The following SPOCK1 variants were observed in gnomAD, a reference collection of about 807,000 sequenced individuals.
SPOCK1 encodes the protein testican-1.
In SPOCK1, 23 loss-of-function variants were observed where a neutral mutation model predicts 55.3. The ratio of observed to expected loss-of-function variants is 0.42; its 90% confidence interval spans 0.30 to 0.59. SPOCK1 has a LOEUF of 0.59. Ranked by LOEUF, SPOCK1 falls within the 20% of genes least tolerant of loss-of-function variation. The pLI is 0.22. For missense variants in SPOCK1, 499 were observed against 552.5 expected (o/e 0.90, Z 0.97); for synonymous variants, 226 against 221.0 (o/e 1.02, Z -0.20).
At chr5:137,495,408 G>A (rs1754278024) in intron 2 of SPOCK1, among the ~76,000 whole-genome samples, 1 of 152,156 alleles carries the variant, frequency 6.6e-6, no homozygotes, top group Non-Finnish European at 1.5e-5. Context: ...CTCTCTAAGA[G>A]CAGCCCTTAG....
intron 2 of SPOCK1, among the ~76,000 whole-genome samples, chr5:137,267,750 C>G (rs1157698402): frequency 6.6e-6 from 1 of 152,198 alleles, no homozygotes; most frequent in Admixed American, 6.5e-5. Context: ...GCTATGTTAA[C>G]TTCTTCCCCA....
chr5:137,485,454 T>C (rs1431962603), intron 2 of SPOCK1, among the ~76,000 whole-genome samples: 4 of 152,240 alleles, frequency 2.6e-5, no homozygotes, highest in Admixed American at 6.5e-5. Context: ...TGAACCTTCA[T>C]ATATGAATGA....
intron 2 of SPOCK1, among the ~76,000 whole-genome samples, chr5:137,420,545 A>G (rs547747349): frequency 1.3e-5 from 2 of 152,214 alleles, no homozygotes; most frequent in South Asian, 4.2e-4. Flanking sequence ...TGTGTCTAGG[A>G]ATTTATCCAT....
chr5:137,064,891 C>T (rs941548546), intron 6 of SPOCK1, among the ~76,000 whole-genome samples: 3 of 152,120 alleles, frequency 2.0e-5, no homozygotes. Flanking sequence ...CTCACTCCCC[C>T]AAATGTGTTC....
intron 2 of SPOCK1, among the ~76,000 whole-genome samples, chr5:137,382,172 G>C (rs1369685857): frequency 6.6e-6 from 1 of 152,216 alleles, no homozygotes; most frequent in Non-Finnish European, 1.5e-5. Context: ...TAGCAAGAAT[G>C]ACCTTTGCTC....
intron 2 of SPOCK1, among the ~76,000 whole-genome samples, chr5:137,448,242 T>C: frequency 6.6e-6 from 1 of 152,114 alleles, no homozygotes; most frequent in East Asian, 1.9e-4. Flanking sequence ...GAACAAGACT[T>C]CATCTCAAAA....
At chr5:137,440,981 C>T (rs758753973) in intron 2 of SPOCK1, among the ~76,000 whole-genome samples, 2 of 150,746 alleles carry the variant, frequency 1.3e-5, no homozygotes, top group Non-Finnish European at 2.9e-5. Context: ...TGTTGGAGGG[C>T]AGTAATAGTT....
chr5:137,115,818 T>G (rs1753566517), intron 4 of SPOCK1, among the ~76,000 whole-genome samples: 1 of 152,170 alleles, frequency 6.6e-6, no homozygotes, highest in African/African-American at 2.4e-5. Context: ...CAGGGAAGCA[T>G]AACTTCCCTG....
intron 6 of SPOCK1, among the ~76,000 whole-genome samples, chr5:137,066,835 T>C (rs1277157350): frequency 6.6e-6 from 1 of 152,144 alleles, no homozygotes; most frequent in African/African-American, 2.4e-5. Context: ...ACATTTAGAT[T>C]TGAAATCTTC....
intron 5 of SPOCK1, among the ~76,000 whole-genome samples, chr5:137,109,929 T>C (rs1448805695): frequency 2.6e-5 from 4 of 152,252 alleles, no homozygotes; most frequent in African/African-American, 9.6e-5. Flanking sequence ...TGTTTATTTC[T>C]GTGTTCCCTA....
intron 2 of SPOCK1, among the ~76,000 whole-genome samples, chr5:137,460,963 T>C (rs1484425912): frequency 6.6e-6 from 1 of 152,192 alleles, no homozygotes; most frequent in East Asian, 1.9e-4. Flanking sequence ...TTAACTTTTG[T>C]GCCCCCAAGG....
intron 2 of SPOCK1, among the ~76,000 whole-genome samples, chr5:137,379,047 G>A (rs1447749138): frequency 6.6e-6 from 1 of 151,890 alleles, no homozygotes; most frequent in Non-Finnish European, 1.5e-5. Flanking sequence ...TCTCCCCTGG[G>A]AGCCCTGCAG....
chr5:136,990,246 A>G (rs1325041798), intron 7 of SPOCK1, among the ~76,000 whole-genome samples: 1 of 152,044 alleles, frequency 6.6e-6, no homozygotes, highest in Non-Finnish European at 1.5e-5. Context: ...TTTGCAGAAA[A>G]GTCTTCACTG....
At chr5:137,299,333 G>A (rs185151969) in intron 2 of SPOCK1, among the ~76,000 whole-genome samples, 1 of 151,816 alleles carries the variant, frequency 6.6e-6, no homozygotes, top group African/African-American at 2.4e-5. Flanking sequence ...ATATATGTTG[G>A]GTTTATACGC....
intron 2 of SPOCK1, among the ~76,000 whole-genome samples, chr5:137,420,428 G>GA (rs1752460875): frequency 6.6e-6 from 1 of 152,086 alleles, no homozygotes; most frequent in South Asian, 2.1e-4. Context: ...TCTGGTCCTG[G>GA]ACTTTTTTTT....
intron 2 of SPOCK1, among the ~76,000 whole-genome samples, chr5:137,326,623 G>T (rs531836040): frequency 2.6e-5 from 4 of 152,334 alleles, no homozygotes; most frequent in Non-Finnish European, 5.9e-5. Context: ...GGAAGATGTG[G>T]ATATGAATAA....
chr5:137,210,881 G>A (rs1755598505), intron 3 of SPOCK1, among the ~76,000 whole-genome samples: 1 of 152,208 alleles, frequency 6.6e-6, no homozygotes, highest in Non-Finnish European at 1.5e-5. Flanking sequence ...CATCACTGGA[G>A]TCCAGGGGCT....
chr5:137,391,928 T>C (rs1406154593), intron 2 of SPOCK1, among the ~76,000 whole-genome samples: 2 of 152,118 alleles, frequency 1.3e-5, no homozygotes, highest in African/African-American at 4.8e-5. Flanking sequence ...GCCCTCCAGG[T>C]AGCTATGCAA....
chr5:137,244,925 A>G (rs1383076630), intron 3 of SPOCK1, among the ~76,000 whole-genome samples: 2 of 152,192 alleles, frequency 1.3e-5, no homozygotes, highest in Non-Finnish European at 2.9e-5. Flanking sequence ...CTGGTTTTTA[A>G]ATACTAATTT....
Sources: gnomAD v4.1 joint callset for allele counts (sites outside exome capture counted in the v4.1 genomes callset) on GRCh38, gnomAD v4.1.1 for gene constraint, MANE v1.5 for transcripts, NCBI Gene and HGNC (gene_info 2026-07-23, HGNC 2026-07-21) for gene names.